DPT: variants seen among roughly 807,000 people sequenced by gnomAD.
DPT encodes tyrosine-rich acidic matrix protein.
DPT carries 21 observed loss-of-function variants against 31.2 expected under a neutral mutation model. The ratio of observed to expected loss-of-function variants is 0.67; its 90% CI spans 0.48 to 0.97. DPT has a LOEUF of 0.97. Ranked by LOEUF, DPT falls within the 50% of genes least tolerant of loss-of-function variation. The pLI is 0.00. For missense variants in DPT, 262 were observed against 258.8 expected, an observed-to-expected ratio of 1.01 and a Z score of -0.08; for synonymous variants, 91 against 86.9, an observed-to-expected ratio of 1.05 and a Z score of -0.26.
intron 2 of DPT, among the ~76,000 whole-genome samples, chr1:168,707,492 C>T (rs960231866): frequency 1.3e-5 from 2 of 152,066 alleles, no homozygotes; most frequent in African/African-American, 4.8e-5. Flanking sequence ...AATACTTAGC[C>T]AGACACATCT....
chr1:168,727,136 CAG>C (rs953754597), intron 1 of DPT, among the ~76,000 whole-genome samples: 5 of 152,230 alleles, frequency 3.3e-5, no homozygotes, highest in African/African-American at 1.2e-4. Flanking sequence ...GCTCTGCTGA[CAG>C]AGTCAGCTGT....
intron 1 of DPT, among the ~76,000 whole-genome samples, chr1:168,720,194 G>A (rs1341581284): frequency 5.3e-5 from 8 of 152,010 alleles, no homozygotes; most frequent in Non-Finnish European, 7.4e-5. Context: ...CAAAACTCTC[G>A]GCCAAGAGAG....
chr1:168,700,365 C>A (rs940153729), intron 3 of DPT, among the ~76,000 whole-genome samples: 1 of 152,156 alleles, frequency 6.6e-6, no homozygotes, highest in Non-Finnish European at 1.5e-5. Context: ...GCTTCCAGAA[C>A]TGTGAAAATA....
intron 1 of DPT, among the ~76,000 whole-genome samples, chr1:168,726,300 T>C (rs1270622803): frequency 6.6e-6 from 1 of 152,240 alleles, no homozygotes; most frequent in Non-Finnish European, 1.5e-5. Context: ...TTCACCTTCT[T>C]CCTCTTTTGC....
intron 2 of DPT, among the ~76,000 whole-genome samples, chr1:168,706,113 A>T (rs1021744736): frequency 1.3e-5 from 2 of 152,248 alleles, no homozygotes; most frequent in Admixed American, 1.3e-4. Context: ...ATTTAGCAAG[A>T]TAATAGAATA....
intron 3 of DPT, among the ~76,000 whole-genome samples, chr1:168,699,868 A>G (rs1467200454): frequency 2.0e-5 from 3 of 152,190 alleles, no homozygotes; most frequent in South Asian, 2.1e-4. Flanking sequence ...ACATTTCTCT[A>G]TATTAATAGG....
chr1:168,703,950 CAA>C (rs1368434151), intron 2 of DPT, among the ~76,000 whole-genome samples: 1 of 152,122 alleles, frequency 6.6e-6, no homozygotes, highest in African/African-American at 2.4e-5. Context: ...CACACGCGCA[CAA>C]AGTGTCCTAA....
At chr1:168,724,733 T>C (rs1387164055) in intron 1 of DPT, among the ~76,000 whole-genome samples, 1 of 152,158 alleles carries the variant, frequency 6.6e-6, no homozygotes, top group Non-Finnish European at 1.5e-5. Context: ...CACTGAGGCT[T>C]GGTCTTGCTT....
intron 2 of DPT, among the ~76,000 whole-genome samples, chr1:168,711,284 T>G (rs2101904977): frequency 6.6e-6 from 1 of 152,086 alleles, no homozygotes; most frequent in East Asian, 1.9e-4. Context: ...CCTCCCAAAG[T>G]GCTGGGATTA....
In DPT at chr1:168,728,996, C is replaced by T. The variant is rs1650313685; in HGVS notation, c.179G>A (p.Arg60Lys). The T allele has an allele frequency of 6.2e-7, 1 of 1,614,050 alleles. No individual in the cohort carries two copies. The highest frequency in any genetic ancestry group is 1.7e-5 in the Admixed American group (1 of 60,000). Residue 60 changes from arginine (R) to lysine (K), a missense_variant, in exon 1 of 4, where the codon AGG (arginine) becomes AAG (lysine). Coordinates refer to ENST00000367817, the MANE Select transcript of DPT (RefSeq NM_001937.5). ...ACCTTCCTTCTTGCTGAAGATGCTC[C>T]TCACGGCCACTATCACCTGCCCCTG... Reference protein sequence around the residue: ...CPQGQVIVAVRSIFSKKEGSD... With the variant: ...CPQGQVIVAVKSIFSKKEGSD...
chr1:168,697,753 G>A (rs139824565), intron 3 of DPT, among the ~76,000 whole-genome samples: 2 of 152,230 alleles, frequency 1.3e-5, no homozygotes, highest in Middle Eastern at 3.4e-3. Context: ...TCCTCACAAC[G>A]ATTCATTGTT....
intron 2 of DPT, among the ~76,000 whole-genome samples, chr1:168,712,028 A>AT (rs1649878011): frequency 6.6e-6 from 1 of 152,184 alleles, no homozygotes; most frequent in Non-Finnish European, 1.5e-5. Context: ...TTCACATTAT[A>AT]TACACCCTCC....
chr1:168,699,507 G>A (rs74122746), intron 3 of DPT, among the ~76,000 whole-genome samples: 4,484 of 151,448 alleles, frequency 0.03, 229 homozygotes, highest in African/African-American at 0.1. Flanking sequence ...AAACTGAGTG[G>A]TTTGCCTATG....
At chr1:168,709,188 C>A (rs181327909) in intron 2 of DPT, among the ~76,000 whole-genome samples, 73 of 152,328 alleles carry the variant, frequency 4.8e-4, no homozygotes, top group African/African-American at 1.7e-3. Flanking sequence ...AAATGATTCA[C>A]AACCATCAGA....
chr1:168,711,739 G>A (rs562472815), intron 2 of DPT, among the ~76,000 whole-genome samples: 1 of 152,324 alleles, frequency 6.6e-6, no homozygotes, highest in South Asian at 2.1e-4. Context: ...GCATCTGGGA[G>A]GGTGAAGGGG....
chr1:168,696,389 G>C lies in DPT; in HGVS notation c.*160C>G. ...GGATTTTATTAGAAGTGTGATACTA[G>C]TCAGAAAGGCCCAGGAAGTTGGCAT... On this transcript the variant is annotated 3_prime_UTR_variant, in exon 4 of 4. Transcript: ENST00000367817. 1 of 614,982 alleles carries C rather than the reference G, an allele frequency of 1.6e-6. No individual in the cohort carries two copies. The highest frequency in any genetic ancestry group is 2.0e-5 in the South Asian group (1 of 48,986). 38.1% of individuals were successfully genotyped at this position (614,982 alleles called of 1,614,324 possible).
At chr1:168,727,084 T>C (rs1021290078) in intron 1 of DPT, among the ~76,000 whole-genome samples, 2 of 152,198 alleles carry the variant, frequency 1.3e-5, no homozygotes, top group African/African-American at 2.4e-5. Context: ...CCCCACCCTC[T>C]CCAGGAGGAA....
At chr1:168,696,713 C>A in intron 3 of DPT, 98 bp from the exon 4 acceptor site, 1 of 1,109,100 alleles carries the variant, frequency 9.0e-7, no homozygotes, top group South Asian at 1.4e-5. Flanking sequence ...TTTGGAGGAT[C>A]TGGGAACTGA....
In DPT at chr1:168,728,819, G is replaced by C. The variant is rs909583508; in HGVS notation, c.305+51C>G. ...GAGTCTAGCAGCCCCCAGGAGGAGGGATATGCAGAGATGTTCCCAGCCCCA... is the reference window on the plus strand; with the variant it reads ...GAGTCTAGCAGCCCCCAGGAGGAGGCATATGCAGAGATGTTCCCAGCCCCA... On this transcript the variant is annotated intron_variant, in intron 1 of 3. Coordinates refer to ENST00000367817, the MANE Select transcript of DPT (RefSeq NM_001937.5). 3 of 1,589,548 alleles carry C rather than the reference G, an allele frequency of 1.9e-6. No homozygotes were observed. In the African/African-American group the frequency reaches 4.0e-5, roughly 21 times the overall value.
Sources: allele counts gnomAD v4.1 joint callset (sites outside exome capture counted in the v4.1 genomes callset), GRCh38; gene constraint gnomAD v4.1.1; transcripts MANE v1.5; gene names NCBI Gene and HGNC (gene_info 2026-07-23, HGNC 2026-07-21).